The following CSMD1 variants were observed in gnomAD, a reference collection of about 807,000 sequenced individuals.
The protein encoded by CSMD1 is CUB and sushi domain-containing protein 1.
Under a neutral mutation model 417.5 loss-of-function variants are expected in CSMD1, and 213 were observed. The ratio of observed to expected loss-of-function variants is 0.51; its 90% CI spans 0.46 to 0.57. The LOEUF is 0.57. Among genes scored for constraint, CSMD1 ranks in the 20% least tolerant of loss-of-function variants. The pLI is 0.00. For missense variants in CSMD1, 6,923 were observed against 4,529.7 expected, an observed-to-expected ratio of 1.53 and a Z score of -15.17; for synonymous variants, 2,862 against 1,736.8, an observed-to-expected ratio of 1.65 and a Z score of -16.11.
At chr8:4,467,891 G>C (rs1403860254) in intron 2 of CSMD1, among the ~76,000 whole-genome samples, 5 of 152,172 alleles carry the variant, frequency 3.3e-5, no homozygotes, top group African/African-American at 1.2e-4. Context: ...CATCTAGTGG[G>C]TTGAACACTG....
At chr8:4,929,366 C>CA (rs112030888) in intron 1 of CSMD1, among the ~76,000 whole-genome samples, 3,251 of 152,216 alleles carry the variant, frequency 0.021, 81 homozygotes, top group African/African-American at 0.063. Flanking sequence ...GCAGCCCCAG[C>CA]AAGGACTACA....
chr8:2,987,788 T>A (rs1043092229), intron 54 of CSMD1, among the ~76,000 whole-genome samples: 5 of 151,984 alleles, frequency 3.3e-5, no homozygotes, highest in African/African-American at 7.2e-5. Flanking sequence ...GAGACTGGAG[T>A]CTCAGGGTCC....
rs192624456 is a variant in CSMD1 at position 4,274,501 on chromosome 8, G to C, written c.415+145452C>G. On this transcript the variant is annotated intron_variant, in intron 3 of 69. Transcript: ENST00000635120. Reference sequence around the variant, plus strand: ...AATTGAAACATCCAAGCAAATAACTGTTTCTTTAATATTTGTTTAGTCCAC... The same window carrying C: ...AATTGAAACATCCAAGCAAATAACTCTTTCTTTAATATTTGTTTAGTCCAC... Among the ~76,000 whole-genome samples the C allele has an allele frequency of 6.3e-3, 956 of 152,106 alleles. 8 individuals carry two copies. Among genetic ancestry groups the C allele is most frequent in the African/African-American group, 0.022 (898 of 41,514 alleles).
intron 2 of CSMD1, among the ~76,000 whole-genome samples, chr8:4,607,571 T>C (rs746749797): frequency 6.6e-6 from 1 of 152,208 alleles, no homozygotes; most frequent in Non-Finnish European, 1.5e-5. Context: ...CCTCATTAAA[T>C]GCTCATTAGC....
intron 2 of CSMD1, among the ~76,000 whole-genome samples, chr8:4,501,061 CA>C (rs968438732): frequency 3.0e-4 from 45 of 151,302 alleles, no homozygotes; most frequent in Non-Finnish European, 2.7e-4. Flanking sequence ...GACAGTGGGC[CA>C]AAAAAGATAT....
At chr8:4,390,927 A>C (rs1803807933) in intron 3 of CSMD1, among the ~76,000 whole-genome samples, 1 of 152,176 alleles carries the variant, frequency 6.6e-6, no homozygotes, top group African/African-American at 2.4e-5. Flanking sequence ...TATCAGTAGA[A>C]AACCACTGCT....
intron 15 of CSMD1, 67 bp downstream of exon 15, chr8:3,405,960 T>G: frequency 6.8e-7 from 1 of 1,478,834 alleles, no homozygotes; most frequent in Non-Finnish European, 9.3e-7. Context: ...TTTGTTGGTT[T>G]GTGTGTGTGC....
intron 3 of CSMD1, among the ~76,000 whole-genome samples, chr8:4,222,823 CTA>C (rs1292468526): frequency 6.6e-6 from 1 of 152,032 alleles, no homozygotes; most frequent in Non-Finnish European, 1.5e-5. Context: ...TTTTGCCAGA[CTA>C]AGAGTCGCTG....
chr8:4,221,812 T>A (rs1028405139), intron 3 of CSMD1, among the ~76,000 whole-genome samples: 2 of 152,180 alleles, frequency 1.3e-5, no homozygotes, highest in African/African-American at 4.8e-5. Context: ...AATCTCCTTT[T>A]CCTACTTGGC....
rs866498364 is a variant in CSMD1, at chr8:3,512,606, T to A, written c.1345-18880A>T. ...AGCTTACTTTAATTTTTTTCTTTTT[T>A]TTTTTTTTTTTTTAAGACAGAGTCT... is the stretch of plus-strand genomic sequence containing the variant. On this transcript the variant is annotated intron_variant, in intron 10 of 69. Coordinates refer to ENST00000635120, the MANE Select transcript of CSMD1 (RefSeq NM_033225.6). Among the ~76,000 whole-genome samples the A allele has an allele frequency of 8.2e-4, 123 of 150,530 alleles. 1 individual carries two copies. The highest frequency in any genetic ancestry group is 2.9e-3 in the African/African-American group (120 of 41,022).
At chr8:3,139,000 T>C (rs1818278222) in intron 41 of CSMD1, among the ~76,000 whole-genome samples, 1 of 152,206 alleles carries the variant, frequency 6.6e-6, no homozygotes. Context: ...CAGTTACGGC[T>C]ACTGGTGGTG....
intron 5 of CSMD1, among the ~76,000 whole-genome samples, chr8:3,793,109 G>T (rs181632797): frequency 1.3e-5 from 2 of 152,254 alleles, no homozygotes; most frequent in East Asian, 1.9e-4. Context: ...GTGTCTCGAG[G>T]AGGATACCCA....
At chr8:3,641,024 CTTTTTT>C (rs34851559) in intron 7 of CSMD1, among the ~76,000 whole-genome samples, 1,340 of 102,798 alleles carry the variant, frequency 0.013, 12 homozygotes, top group African/African-American at 0.049. Context: ...TCCTTTTTTC[CTTTTTT>C]TTTTTTTTTT....
intron 1 of CSMD1, among the ~76,000 whole-genome samples, chr8:4,936,324 G>C (rs1807617043): frequency 6.6e-6 from 1 of 152,050 alleles, no homozygotes; most frequent in Admixed American, 6.6e-5. Context: ...AAACAAACAG[G>C]GACAGGAAAA....
chr8:4,503,384 T>G (rs1007961607), intron 2 of CSMD1, among the ~76,000 whole-genome samples: 2 of 152,184 alleles, frequency 1.3e-5, no homozygotes, highest in African/African-American at 2.4e-5. Context: ...TTTGCTCAAC[T>G]GTTTTGAATG....
At chr8:3,928,045 T>A (rs1156961161) in intron 5 of CSMD1, among the ~76,000 whole-genome samples, 3 of 152,108 alleles carry the variant, frequency 2.0e-5, no homozygotes, top group African/African-American at 7.2e-5. Flanking sequence ...AGCATCAATT[T>A]TTTTCTTAAA....
chr8:3,612,787 G>C (rs956530794), intron 8 of CSMD1, among the ~76,000 whole-genome samples: 4 of 151,956 alleles, frequency 2.6e-5, no homozygotes, highest in African/African-American at 9.7e-5. Context: ...ATTACTTAGA[G>C]GAAAATTGAT....
intron 2 of CSMD1, among the ~76,000 whole-genome samples, chr8:4,536,718 A>T (rs368910838): frequency 1.8e-4 from 27 of 152,314 alleles, no homozygotes; most frequent in Admixed American, 1.2e-3. Flanking sequence ...TTTTGAGTAT[A>T]TGCCACTTTT....
At chr8:3,990,553 C>A (rs1014504028) in intron 5 of CSMD1, among the ~76,000 whole-genome samples, 1 of 152,176 alleles carries the variant, frequency 6.6e-6, no homozygotes, top group African/African-American at 2.4e-5. Flanking sequence ...TACCACCATT[C>A]AATAAATTAG....
Sources: gnomAD v4.1 joint callset for allele counts (sites outside exome capture counted in the v4.1 genomes callset) on GRCh38, gnomAD v4.1.1 for gene constraint, MANE v1.5 for transcripts, NCBI Gene and HGNC (gene_info 2026-07-23, HGNC 2026-07-21) for gene names.